Variants in NEURL1 observed in about 807,000 individuals in gnomAD.
The protein encoded by NEURL1 is E3 ubiquitin-protein ligase NEURL1.
Under a neutral mutation model 41.2 loss-of-function variants are expected in NEURL1, and 26 were observed. The ratio of observed to expected loss-of-function variants is 0.63; its 90% CI spans 0.46 to 0.87. NEURL1 has a LOEUF of 0.87. NEURL1 is among the 40% of genes least tolerant of loss of function. The probability of loss-of-function intolerance (pLI) is 0.00; values close to 1 mark genes in which losing one functional copy is unlikely to be tolerated. For missense variants in NEURL1, 761 were observed against 871.1 expected (o/e 0.87, Z 1.59); for synonymous variants, 400 against 402.3 (o/e 0.99, Z 0.07).
At chr10:103,559,508 G>A (rs1592222253) in intron 1 of NEURL1, among the ~76,000 whole-genome samples, 1 of 152,222 alleles carries the variant, frequency 6.6e-6, no homozygotes, top group African/African-American at 2.4e-5. Flanking sequence ...AGGGAGGTGA[G>A]GCCAGGGCTG....
intron 1 of NEURL1, among the ~76,000 whole-genome samples, chr10:103,546,265 A>G (rs1299138858): frequency 2.0e-5 from 3 of 152,222 alleles, no homozygotes; most frequent in African/African-American, 7.2e-5. Flanking sequence ...AGCACTCTGC[A>G]GTAGACAAAG....
chr10:103,581,733 T>G (rs1205719358), intron 3 of NEURL1, among the ~76,000 whole-genome samples: 1 of 152,198 alleles, frequency 6.6e-6, no homozygotes, highest in East Asian at 1.9e-4. Flanking sequence ...AGCTGGTTGG[T>G]GCACATCTAG....
rs779674557 is a variant in NEURL1, at chr10:103,571,818, G to C, written c.645G>C (p.Leu215=). Residue 215 remains leucine (L), a synonymous_variant, in exon 3 of 6, where the codon CTG becomes CTC. Coordinates refer to ENST00000369780, the MANE Select transcript of NEURL1 (RefSeq NM_004210.5). ...ACGGCCTCACGCGGGGCGTCCAGCT[G>C]CTTGGTGAGTGCCTGCCCCTCCGGC... ...DVYGLTRGVQ[L]LDSELVLPDC... 6.3e-7 allele frequency: 1 copy of C among 1,599,028 alleles called. No homozygotes were observed. Among genetic ancestry groups the C allele is most frequent in the Non-Finnish European group, 8.5e-7 (1 of 1,173,086 alleles).
At chr10:103,504,134 C>T (rs2133845642) in intron 1 of NEURL1, among the ~76,000 whole-genome samples, 1 of 152,126 alleles carries the variant, frequency 6.6e-6, no homozygotes, top group East Asian at 1.9e-4. Flanking sequence ...GCTGGGATTA[C>T]AGGCACACAC....
At chr10:103,521,757 G>T (rs1048741249) in intron 1 of NEURL1, among the ~76,000 whole-genome samples, 2 of 152,122 alleles carry the variant, frequency 1.3e-5, no homozygotes, top group Non-Finnish European at 2.9e-5. Flanking sequence ...AGGTGGGAGT[G>T]ATCGATGAGA....
chr10:103,569,894 G>A (rs1032522577), intron 1 of NEURL1, among the ~76,000 whole-genome samples: 16 of 152,164 alleles, frequency 1.1e-4, no homozygotes, highest in African/African-American at 3.6e-4. Context: ...CTGGAGAAGC[G>A]GGGATTGGAG....
chr10:103,513,162 C>T (rs897364074), intron 1 of NEURL1, among the ~76,000 whole-genome samples: 9 of 152,184 alleles, frequency 5.9e-5, no homozygotes, highest in Non-Finnish European at 1.0e-4. Flanking sequence ...TCCCTGGCAG[C>T]CCCCAGGTCT....
intron 1 of NEURL1, among the ~76,000 whole-genome samples, chr10:103,568,332 G>A (rs2035468057): frequency 6.6e-6 from 1 of 152,172 alleles, no homozygotes; most frequent in East Asian, 1.9e-4. Context: ...TGGCCCCTTT[G>A]TCTCCACTGT....
chr10:103,552,270 C>A (rs923295652), intron 1 of NEURL1, among the ~76,000 whole-genome samples: 1 of 152,172 alleles, frequency 6.6e-6, no homozygotes, highest in Non-Finnish European at 1.5e-5. Context: ...TTCCCTATTG[C>A]TCTCAGGAAG....
rs191472967 is a variant in NEURL1 at position 103,537,397 on chromosome 10, G to A, written c.86-33475G>A. On this transcript the variant is annotated intron_variant, in intron 1 of 5. Transcript: ENST00000369780. ...TTTTTTCCCCCTACTCCCTCCTCTCGCACTCTTATATATATTTTTTGAGAC... is the reference window on the plus strand; with the variant it reads ...TTTTTTCCCCCTACTCCCTCCTCTCACACTCTTATATATATTTTTTGAGAC... 4.0e-5 allele frequency among the ~76,000 whole-genome samples: 6 copies of A among 151,848 alleles called. No homozygotes were observed. In the East Asian group the frequency reaches 7.8e-4, roughly 20 times the overall value.
intron 2 of NEURL1, among the ~76,000 whole-genome samples, 155 bp from the exon 3 acceptor site, chr10:103,571,346 G>A (rs549675543): frequency 1.3e-5 from 2 of 152,306 alleles, no homozygotes; most frequent in Non-Finnish European, 1.5e-5. Context: ...ACCCCTTGCT[G>A]TCTTCCCAGC....
At chr10:103,526,454 A>G (rs1206280642) in intron 1 of NEURL1, among the ~76,000 whole-genome samples, 1 of 152,066 alleles carries the variant, frequency 6.6e-6, no homozygotes, top group Admixed American at 6.6e-5. Context: ...TTCTTGGTTC[A>G]ATCTTGGTAG....
intron 1 of NEURL1, among the ~76,000 whole-genome samples, chr10:103,548,864 T>C (rs2034978934): frequency 6.6e-6 from 1 of 152,280 alleles, no homozygotes; most frequent in African/African-American, 2.4e-5. Context: ...AGAAGCTCAG[T>C]AGCTTGCCTG....
intron 1 of NEURL1, among the ~76,000 whole-genome samples, chr10:103,514,904 C>T (rs906399487): frequency 4.6e-5 from 7 of 152,068 alleles, no homozygotes; most frequent in South Asian, 2.1e-4. Flanking sequence ...CACCTCACCA[C>T]CCTGTGGCCT....
In NEURL1 at chr10:103,545,004, T is replaced by G. The variant is rs1277330544; in HGVS notation, c.86-25868T>G. 6.6e-6 allele frequency among the ~76,000 whole-genome samples: 1 copy of G among 152,124 alleles called. No homozygotes were observed. The highest frequency in any genetic ancestry group is 1.5e-5 in the Non-Finnish European group (1 of 68,004). On this transcript the variant is annotated intron_variant, in intron 1 of 5. Transcript: ENST00000369780. This position sits in a 1 kb window ranked among gnomAD's most constrained non-coding sequence, Gnocchi z 4.5. Reference sequence around the variant, plus strand: ...CTTTCTCAATGATGACCCTGCACAGTCCTGGGGTCTCTGAAGGAAGTAATC... The same window carrying G: ...CTTTCTCAATGATGACCCTGCACAGGCCTGGGGTCTCTGAAGGAAGTAATC...
At chr10:103,585,751 T>C (rs1028023945) in intron 4 of NEURL1, among the ~76,000 whole-genome samples, 2 of 149,150 alleles carry the variant, frequency 1.3e-5, no homozygotes, top group Non-Finnish European at 3.0e-5. Flanking sequence ...GGAGAATGGC[T>C]GAGCCCAGGA....
intron 3 of NEURL1, among the ~76,000 whole-genome samples, chr10:103,581,418 GTCTCT>G (rs1564831087): frequency 6.6e-6 from 1 of 152,130 alleles, no homozygotes; most frequent in East Asian, 1.9e-4. Flanking sequence ...TCCTCACAGC[GTCTCT>G]TCTAAGGGGA....
intron 1 of NEURL1, among the ~76,000 whole-genome samples, chr10:103,559,124 C>G (rs1368434547): frequency 1.3e-5 from 2 of 152,148 alleles, no homozygotes; most frequent in African/African-American, 4.8e-5. Flanking sequence ...ACTTACCGTT[C>G]TTGGGTTCCT....
Position 103,493,811 on chromosome 10 carries a change from G to A in NEURL1, c.-577G>A, listed in dbSNP as rs1424860464. 1.3e-5 allele frequency among the ~76,000 whole-genome samples: 2 copies of A among 151,890 alleles called. No individual in the cohort carries two copies. Among genetic ancestry groups the A allele is most frequent in the Non-Finnish European group, 2.9e-5 (2 of 67,950 alleles). On this transcript the variant is annotated 5_prime_UTR_variant, in exon 1 of 6. Coordinates refer to ENST00000369780, the MANE Select transcript of NEURL1 (RefSeq NM_004210.5). The stretch of plus-strand genomic sequence containing the variant: ...GCGGCGGTCGCAGGAGGGACCCGGC[G>A]CGGGCGGGACCGCGGCGGTCGGGGG...
Sources: gnomAD v4.1 joint callset for allele counts (sites outside exome capture counted in the v4.1 genomes callset) on GRCh38, gnomAD v4.1.1 for gene constraint, Gnocchi (gnomAD v3.1) non-coding constraint, MANE v1.5 for transcripts, NCBI Gene and HGNC (gene_info 2026-07-23, HGNC 2026-07-21) for gene names.